SRRD: variants seen among roughly 807,000 people sequenced by gnomAD.
SRRD encodes SRR1 domain containing, also known as SRR1-like protein.
SRRD carries 28 observed loss-of-function variants against 30.7 expected under a neutral mutation model. The ratio of observed to expected loss-of-function variants is 0.91; its 90% CI spans 0.68 to 1.25. The LOEUF (loss-of-function observed/expected upper bound fraction) is 1.25. SRRD is among the 50% of genes most tolerant of loss of function. SRRD has a pLI of 0.00. For synonymous variants in SRRD, 161 were observed against 159.6 expected (o/e 1.01, Z -0.07); for missense variants, 415 against 417.3 (o/e 0.99, Z 0.05).
chr22:26,489,381 G>A (rs1212074441), intron 4 of SRRD, among the ~76,000 whole-genome samples: 1 of 152,110 alleles, frequency 6.6e-6, no homozygotes, highest in Non-Finnish European at 1.5e-5. Flanking sequence ...GAGGGATGGA[G>A]GAAGGATTCC....
At chr22:26,486,506 T>C (rs1330062389) in intron 2 of SRRD, among the ~76,000 whole-genome samples, 1 of 152,206 alleles carries the variant, frequency 6.6e-6, no homozygotes, top group African/African-American at 2.4e-5. Context: ...TTAGTTTTCT[T>C]CTGTTGTTTT....
At chr22:26,490,802 G>C (rs1921070544) in intron 5 of SRRD, 2 of 495,798 alleles carry the variant, frequency 4.0e-6, no homozygotes, top group Non-Finnish European at 7.2e-6. Context: ...GACCTCAAAT[G>C]ATCCGCCCGC....
chr22:26,485,972 G>A (rs1569150730), intron 1 of SRRD, 51 bp from the exon 2 acceptor site: 4 of 1,611,058 alleles, frequency 2.5e-6, no homozygotes, highest in Non-Finnish European at 3.4e-6. Context: ...TTACTGTTGG[G>A]GCAGCCCTGA....
chr22:26,489,146 A>G (rs2147109189), intron 4 of SRRD, among the ~76,000 whole-genome samples: 1 of 152,266 alleles, frequency 6.6e-6, no homozygotes, highest in Middle Eastern at 3.4e-3. Flanking sequence ...ATGTATGAAA[A>G]TTTGGCTCAG....
chr22:26,488,113 A>T lies in SRRD; in HGVS notation c.335A>T (p.His112Leu), dbSNP rs200032711. Residue 112 changes from histidine to leucine, a missense_variant, in exon 3 of 7, where the codon CAT (histidine) becomes CTT (leucine). His to Leu is a moderately conservative substitution (Grantham distance 99). Coordinates refer to ENST00000215917, the MANE Select transcript of SRRD (RefSeq NM_001013694.3). Reference sequence around the variant, plus strand: ...CTTTCAGACATCTTTGGAAACCTGCATCTTGACTCATTGCCAGAGGAGTCA... The same window carrying T: ...CTTTCAGACATCTTTGGAAACCTGCTTCTTGACTCATTGCCAGAGGAGTCA... ...GTLSDIFGNL[H>L]LDSLPEESDV... is the part of the protein sequence containing the mutation. The T allele has an allele frequency of 2.0e-4, 325 of 1,614,232 alleles. 1 individual carries two copies. In the African/African-American group the frequency reaches 4.1e-3, roughly 20 times the overall value.
In SRRD at chr22:26,491,038, A is replaced by G; in HGVS notation, c.778A>G (p.Ile260Val). ...TTTAATTTCTAGGTTGTTGGCAAGG[A>G]TTCTGCAGAAAAATTATCCCTACAT... is the stretch of plus-strand genomic sequence containing the variant. ...KGLEERLLAR[I>V]LQKNYPYIAK... The change falls in exon 6 of 7, where the codon ATT (isoleucine) becomes GTT (valine). Residue 260 changes from isoleucine (I) to valine (V), a missense_variant. Physicochemically the swap from Ile to Val is conservative, Grantham distance 29. Transcript: ENST00000215917. 6.2e-7 allele frequency: 1 copy of G among 1,611,852 alleles called. No homozygotes were observed. The highest frequency in any genetic ancestry group is 8.5e-7 in the Non-Finnish European group (1 of 1,179,440).
At chr22:26,487,572 G>C (rs2091717496) in intron 2 of SRRD, among the ~76,000 whole-genome samples, 1 of 152,114 alleles carries the variant, frequency 6.6e-6, no homozygotes, top group Non-Finnish European at 1.5e-5. Flanking sequence ...TGTTGGCCAG[G>C]CTGGTCTTGA....
Position 26,494,293 on chromosome 22 carries a change from A to G in SRRD, c.*2621A>G. 1.2e-6 allele frequency: 2 copies of G among 1,614,262 alleles called. No individual in the cohort carries two copies. The highest frequency in any genetic ancestry group is 1.7e-6 in the Non-Finnish European group (2 of 1,180,054). ...CATAATTTGGGCTGTTACTGAGCCAAGAGCACAGCACCTGCCAAAAAGAAA... is the reference window on the plus strand; with the variant it reads ...CATAATTTGGGCTGTTACTGAGCCAGGAGCACAGCACCTGCCAAAAAGAAA... On this transcript the variant is annotated 3_prime_UTR_variant, in exon 7 of 7. Coordinates refer to ENST00000215917, the MANE Select transcript of SRRD (RefSeq NM_001013694.3).
Position 26,494,212 on chromosome 22 carries a change from C to T in SRRD, c.*2540C>T. Reference sequence around the variant, plus strand: ...ATTTGTCCTTGACAGATGGATGTGCCAGCACTTGGTCTGAGAACATCGACT... The same window carrying T: ...ATTTGTCCTTGACAGATGGATGTGCTAGCACTTGGTCTGAGAACATCGACT... On this transcript the variant is annotated 3_prime_UTR_variant, in exon 7 of 7. Transcript: ENST00000215917. The T allele has an allele frequency of 6.2e-7, 1 of 1,614,166 alleles. No homozygotes were observed. Among genetic ancestry groups the T allele is most frequent in the Non-Finnish European group, 8.5e-7 (1 of 1,180,048 alleles).
At chr22:26,488,572 C>T (rs2091726146) in intron 4 of SRRD, 84 bp downstream of exon 4, 1 of 1,028,312 alleles carries the variant, frequency 9.7e-7, no homozygotes, top group African/African-American at 1.6e-5. Flanking sequence ...CACCAGCATT[C>T]TTTGCAGTGG....
At position 26,492,417 on chromosome 22, in the gene SRRD, TG is replaced by T; in HGVS notation, c.*747del. On this transcript the variant is annotated 3_prime_UTR_variant, in exon 7 of 7. Transcript: ENST00000215917. ...GTGAGGAGAGGTGTTTCCAGGTGTA[TG>T]GAAGTTGACACTGTGGCTTGGCCCA... The T allele has an allele frequency of 6.4e-7, 1 of 1,569,462 alleles. No individual in the cohort carries two copies. Among genetic ancestry groups the T allele is most frequent in the Non-Finnish European group, 8.7e-7 (1 of 1,145,990 alleles).
rs1407699054 is a variant in SRRD, at chr22:26,494,533, A to G, written c.*2861A>G. ...TCTCTGAGCCTCAGCTTCCATGTCT[A>G]CACAACAGGGATACCATATCCCCTA... On this transcript the variant is annotated 3_prime_UTR_variant, in exon 7 of 7. Transcript: ENST00000215917. 7.1e-6 allele frequency: 5 copies of G among 700,954 alleles called. No individual in the cohort carries two copies. The highest frequency in any genetic ancestry group is 1.2e-5 in the Non-Finnish European group (5 of 426,194). The allele number at this position is 700,954 out of a possible 1,614,324, so 43.4% of individuals were successfully genotyped here. A position where few individuals can be genotyped will look rare whatever the true frequency, so the allele number is the denominator to read the frequency against.
chr22:26,491,599 A>C lies in SRRD; in HGVS notation c.947A>C (p.Glu316Ala), dbSNP rs1921190667. ...LSIDIWEFRE[E>A]PDYQDCEDLE... ...ATAGATATTTGGGAGTTTCGGGAAGAACCAGATTATCAGGACTGTGAGGAC... is the reference window on the plus strand; with the variant it reads ...ATAGATATTTGGGAGTTTCGGGAAGCACCAGATTATCAGGACTGTGAGGAC... The change falls in exon 7 of 7, where the codon GAA becomes GCA. Residue 316 changes from glutamate (E) to alanine (A), a missense_variant. By Grantham distance (107) the Glu-to-Ala change is moderately radical. Transcript: ENST00000215917. 2 of 1,614,086 alleles carry C rather than the reference A, an allele frequency of 1.2e-6. No individual in the cohort carries two copies. Among genetic ancestry groups the C allele is most frequent in the Non-Finnish European group, 1.7e-6 (2 of 1,180,034 alleles).
chr22:26,486,984 T>C (rs1048040689), intron 2 of SRRD, among the ~76,000 whole-genome samples: 1 of 150,250 alleles, frequency 6.7e-6, no homozygotes, highest in East Asian at 2.0e-4. Flanking sequence ...TGTAGGGGTG[T>C]GATCTCTGCT....
chr22:26,491,093 T>A (rs767612565), intron 6 of SRRD, 23 bp downstream of exon 6: 5 of 1,606,314 alleles, frequency 3.1e-6, no homozygotes, highest in Non-Finnish European at 4.2e-6. Flanking sequence ...ATAAAGGGGC[T>A]GGGATGGAAA....
At position 26,488,411 on chromosome 22, in the gene SRRD, G is replaced by A; in HGVS notation, c.532G>A (p.Val178Ile). Residue 178 changes from valine to isoleucine, a missense_variant, in exon 4 of 7, where the codon GTA becomes ATA. Transcript: ENST00000215917. ...KCQIPRSHCW[V>I]YDPLFSQLEI... ...CTAGATTCCCAGAAGTCACTGTTGG[G>A]TATATGACCCTCTGTTTAGCCAACT... 7 of 1,614,160 alleles carry A rather than the reference G, an allele frequency of 4.3e-6. No individual in the cohort carries two copies. The highest frequency in any genetic ancestry group is 5.9e-6 in the Non-Finnish European group (7 of 1,180,012).
Position 26,494,383 on chromosome 22 carries a change from T to TC in SRRD, c.*2711_*2712insC. 1 of 1,554,330 alleles carries TC rather than the reference T, an allele frequency of 6.4e-7. No homozygotes were observed. Among genetic ancestry groups the TC allele is most frequent in the Non-Finnish European group, 8.9e-7 (1 of 1,128,224 alleles). Reference sequence around the variant, plus strand: ...TTTCTGAAGTGGCCATTTGTTTTGTTTTGATCCTGGTCCTACAGGCTAGTG... The same window carrying TC: ...TTTCTGAAGTGGCCATTTGTTTTGTTCTTGATCCTGGTCCTACAGGCTAGTG... On this transcript the variant is annotated 3_prime_UTR_variant, in exon 7 of 7. Coordinates refer to ENST00000215917, the MANE Select transcript of SRRD (RefSeq NM_001013694.3).
chr22:26,491,141 A>T, intron 6 of SRRD, 71 bp downstream of exon 6: 1 of 1,483,422 alleles, frequency 6.7e-7, no homozygotes, highest in Non-Finnish European at 9.3e-7. Context: ...CTTTCTTTAC[A>T]GGCGTAGGAG....
intron 1 of SRRD, 120 bp from the exon 2 acceptor site, chr22:26,485,903 G>T: frequency 8.9e-7 from 1 of 1,120,938 alleles, no homozygotes. Context: ...CTTGGTAAGG[G>T]TGGGCCCTGC....
Sources: gnomAD v4.1 joint callset for allele counts (sites outside exome capture counted in the v4.1 genomes callset) on GRCh38, gnomAD v4.1.1 for gene constraint, MANE v1.5 for transcripts, NCBI Gene and HGNC (gene_info 2026-07-23, HGNC 2026-07-21) for gene names.